The following GRID2 variants were observed in gnomAD, a reference collection of about 807,000 sequenced individuals.
GRID2 encodes glutamate ionotropic receptor delta type subunit 2.
Under a neutral mutation model 114.8 loss-of-function variants are expected in GRID2, and 33 were observed. That is an observed-to-expected ratio of 0.29 (90% CI 0.22 to 0.38). The LOEUF (loss-of-function observed/expected upper bound fraction) is 0.38. GRID2 is among the 10% of genes least tolerant of loss of function. The pLI, the probability that GRID2 is intolerant of heterozygous loss-of-function variation, is 1.00. For synonymous variants in GRID2, 505 were observed against 449.9 expected (o/e 1.12, Z -1.55); for missense variants, 1,184 against 1,257.7 (o/e 0.94, Z 0.89).
At chr4:93,265,675 T>TA (rs1750743821) in intron 8 of GRID2, among the ~76,000 whole-genome samples, 1 of 152,082 alleles carries the variant, frequency 6.6e-6, no homozygotes, top group Admixed American at 6.6e-5. Flanking sequence ...GAAAGATAAA[T>TA]AAAAACAAGT....
chr4:93,521,657 G>C (rs964342118), intron 13 of GRID2, among the ~76,000 whole-genome samples: 1 of 152,092 alleles, frequency 6.6e-6, no homozygotes, highest in Non-Finnish European at 1.5e-5. Context: ...AAGTAAAAGA[G>C]AGGATGTGGA....
At chr4:93,342,112 G>T (rs889681291) in intron 8 of GRID2, among the ~76,000 whole-genome samples, 19 of 152,018 alleles carry the variant, frequency 1.2e-4, no homozygotes, top group African/African-American at 4.3e-4. Flanking sequence ...CAAATCAAAT[G>T]ATATCACTCT....
chr4:92,388,233 G>A (rs1210349360), intron 1 of GRID2, among the ~76,000 whole-genome samples: 1 of 151,990 alleles, frequency 6.6e-6, no homozygotes, highest in Non-Finnish European at 1.5e-5. Context: ...AGGTGGAGGG[G>A]TTTTAACCTT....
chr4:92,877,366 A>C (rs957794997), intron 2 of GRID2, among the ~76,000 whole-genome samples: 1 of 152,250 alleles, frequency 6.6e-6, no homozygotes, highest in African/African-American at 2.4e-5. Flanking sequence ...CTCTAAAGAC[A>C]GAAAACTCTC....
chr4:92,807,324 T>TA (rs1485652273), intron 2 of GRID2, among the ~76,000 whole-genome samples: 1 of 151,948 alleles, frequency 6.6e-6, no homozygotes, highest in Non-Finnish European at 1.5e-5. Flanking sequence ...AGAGGACTCA[T>TA]AAAAAATAAA....
intron 1 of GRID2, among the ~76,000 whole-genome samples, chr4:92,520,361 C>T (rs918107460): frequency 2.1e-5 from 3 of 143,136 alleles, no homozygotes; most frequent in Non-Finnish European, 3.1e-5. Flanking sequence ...TTTCTATACA[C>T]ATGAACATAT....
intron 14 of GRID2, among the ~76,000 whole-genome samples, chr4:93,675,067 TA>T (rs1292184403): frequency 1.3e-5 from 2 of 152,212 alleles, no homozygotes; most frequent in Non-Finnish European, 2.9e-5. Context: ...CCTATATATG[TA>T]AAGTATAACT....
At chr4:93,668,493 A>AT (rs1355826263) in intron 14 of GRID2, among the ~76,000 whole-genome samples, 2 of 151,920 alleles carry the variant, frequency 1.3e-5, no homozygotes, top group Non-Finnish European at 2.9e-5. Context: ...GCAAATATGC[A>AT]TTGAGGTTAT....
chr4:92,657,936 G>C, intron 2 of GRID2, among the ~76,000 whole-genome samples: 1 of 131,592 alleles, frequency 7.6e-6, no homozygotes, highest in Non-Finnish European at 1.7e-5. Flanking sequence ...GTGAAATACA[G>C]TGGTAGGAGA....
chr4:93,297,840 T>G (rs1417925556), intron 8 of GRID2, among the ~76,000 whole-genome samples: 3 of 152,214 alleles, frequency 2.0e-5, no homozygotes, highest in African/African-American at 7.2e-5. Flanking sequence ...GTACAAAATT[T>G]ATTTAAGAAC....
intron 13 of GRID2, among the ~76,000 whole-genome samples, chr4:93,524,807 A>G (rs1301857320): frequency 4.6e-4 from 35 of 76,034 alleles, no homozygotes; most frequent in South Asian, 1.5e-3. Flanking sequence ...ATATATATAT[A>G]TATATATGTA....
chr4:93,678,117 C>G (rs1725100146), intron 14 of GRID2, among the ~76,000 whole-genome samples: 1 of 152,126 alleles, frequency 6.6e-6, no homozygotes, highest in South Asian at 2.1e-4. Context: ...GGCTCGAGAA[C>G]TGCATGAAGA....
intron 2 of GRID2, among the ~76,000 whole-genome samples, chr4:92,875,058 A>G (rs1230033264): frequency 6.7e-6 from 1 of 149,072 alleles, no homozygotes; most frequent in East Asian, 2.0e-4. Flanking sequence ...AGATGTAAAT[A>G]TTGTTTAAAT....
chr4:93,065,100 A>G (rs1728184881), intron 2 of GRID2, among the ~76,000 whole-genome samples: 1 of 151,894 alleles, frequency 6.6e-6, no homozygotes, highest in African/African-American at 2.4e-5. Flanking sequence ...ATGTGTTAAA[A>G]TTTAAAAAAT....
chr4:93,269,288 G>A (rs1277303234), intron 8 of GRID2, among the ~76,000 whole-genome samples: 1 of 151,842 alleles, frequency 6.6e-6, no homozygotes, highest in East Asian at 1.9e-4. Context: ...CTAGAAATAG[G>A]ATCAGGCATT....
At position 92,912,569 on chromosome 4, in the gene GRID2, A is replaced by G. The variant is rs529651181; in HGVS notation, c.245-172426A>G. Among the ~76,000 whole-genome samples, 12 of 152,026 alleles carry G rather than the reference A, an allele frequency of 7.9e-5. No individual in the cohort carries two copies. In the South Asian group the frequency reaches 2.5e-3, roughly 31 times the overall value. On this transcript the variant is annotated intron_variant, in intron 2 of 15. Transcript: ENST00000282020. ...GAAAGTTGTTATTATAGTCATTACCAGGTACAAATCAGCAAAAAACACTTA... is the reference window on the plus strand; with the variant it reads ...GAAAGTTGTTATTATAGTCATTACCGGGTACAAATCAGCAAAAAACACTTA...
At chr4:93,784,340 T>C (rs1374661239) in intron 1 of GRID2, among the ~76,000 whole-genome samples, 1 of 152,130 alleles carries the variant, frequency 6.6e-6, no homozygotes, top group African/African-American at 2.4e-5. Flanking sequence ...GGTATTTCTA[T>C]GGCCCACTAA....
At chr4:93,465,615 G>T (rs1471166677) in intron 11 of GRID2, among the ~76,000 whole-genome samples, 1 of 152,058 alleles carries the variant, frequency 6.6e-6, no homozygotes, top group Non-Finnish European at 1.5e-5. Flanking sequence ...ACACAAAGTC[G>T]GCACAGAACA....
At chr4:93,572,147 T>A (rs185031534) in intron 13 of GRID2, among the ~76,000 whole-genome samples, 163 of 152,286 alleles carry the variant, frequency 1.1e-3, no homozygotes, top group African/African-American at 3.9e-3. Flanking sequence ...TCAGAACTTA[T>A]TCATGTGTCA....
Sources: gnomAD v4.1 joint callset for allele counts (sites outside exome capture counted in the v4.1 genomes callset) on GRCh38, gnomAD v4.1.1 for gene constraint, MANE v1.5 for transcripts, NCBI Gene and HGNC (gene_info 2026-07-23, HGNC 2026-07-21) for gene names.